TRAK1: variants seen among roughly 807,000 people sequenced by gnomAD.
The protein encoded by TRAK1 is trafficking kinesin-binding protein 1.
TRAK1 carries 33 observed loss-of-function variants against 92.1 expected under a neutral mutation model. That is an observed-to-expected ratio of 0.36 (90% CI 0.27 to 0.48). The LOEUF (loss-of-function observed/expected upper bound fraction) is 0.48. Among genes scored for constraint, TRAK1 ranks in the 20% least tolerant of loss-of-function variants. The pLI is 0.99. For missense variants in TRAK1, 1,123 were observed against 1,257.9 expected, an observed-to-expected ratio of 0.89 and a Z score of 1.62; for synonymous variants, 521 against 517.3, an observed-to-expected ratio of 1.01 and a Z score of -0.10.
rs557366525 is a variant in TRAK1 at position 42,202,709 on chromosome 3, C to T, written c.1701C>T (p.Arg567=). The T allele has an allele frequency of 6.2e-7, 1 of 1,614,026 alleles. No individual in the cohort carries two copies. Among genetic ancestry groups the T allele is most frequent in the Middle Eastern group, 1.7e-4 (1 of 6,060 alleles). Residue 567 remains arginine, a synonymous_variant, in exon 13 of 16, where the codon CGC becomes CGT. Coordinates refer to ENST00000327628, the MANE Select transcript of TRAK1 (RefSeq NM_001042646.3). This position sits in a 1 kb window ranked among gnomAD's most constrained non-coding sequence, Gnocchi z 6.1. ...TGFSGMSFSS[R]SYLPEKLQIV... is the part of the protein sequence containing the mutation. The stretch of plus-strand genomic sequence containing the variant: ...TCTCTGGCATGTCCTTCAGCAGCCG[C>T]TCCTACCTGCCTGAGAAGCTCCAGA...
chr3:42,206,337 A>G (rs1425826752), intron 13 of TRAK1, among the ~76,000 whole-genome samples: 1 of 152,178 alleles, frequency 6.6e-6, no homozygotes, highest in African/African-American at 2.4e-5. Flanking sequence ...TAACTGAAAT[A>G]GCACAGTCAG....
chr3:42,075,896 G>A (rs1704133103), intron 1 of TRAK1, among the ~76,000 whole-genome samples: 1 of 152,066 alleles, frequency 6.6e-6, no homozygotes, highest in Admixed American at 6.6e-5. Context: ...AGGCTGGAGT[G>A]CAGTGGCACG....
intron 2 of TRAK1, among the ~76,000 whole-genome samples, chr3:42,158,835 T>TGTAGTCCCAGCTACTC (rs1208366043): frequency 6.7e-6 from 1 of 148,780 alleles, no homozygotes; most frequent in Non-Finnish European, 1.5e-5. Flanking sequence ...GGCAGGTACC[T>TGTAGTCCCAGCTACTC]GTAGTCCCAG....
chr3:42,175,271 G>A (rs1311717312), intron 2 of TRAK1, among the ~76,000 whole-genome samples: 2 of 152,178 alleles, frequency 1.3e-5, no homozygotes, highest in African/African-American at 4.8e-5. Flanking sequence ...CTGCACGCCT[G>A]CAGACCATCA....
chr3:42,070,539 C>T (rs1703892451), intron 1 of TRAK1, among the ~76,000 whole-genome samples: 1 of 151,984 alleles, frequency 6.6e-6, no homozygotes, highest in Non-Finnish European at 1.5e-5. Flanking sequence ...GCAATACTCC[C>T]ATCTCAGCCT....
chr3:42,167,381 G>T (rs1379146992), intron 2 of TRAK1, among the ~76,000 whole-genome samples: 8 of 152,322 alleles, frequency 5.3e-5, no homozygotes, highest in Non-Finnish European at 1.0e-4. Flanking sequence ...GTAAGCATTT[G>T]TTGGGTTTGT....
chr3:42,049,231 T>G (rs1037351986), intron 1 of TRAK1, among the ~76,000 whole-genome samples: 1 of 152,216 alleles, frequency 6.6e-6, no homozygotes, highest in Non-Finnish European at 1.5e-5. Context: ...GATATGGAAT[T>G]CTAGGTTGAA....
At chr3:42,064,370 TAAAAA>T in intron 1 of TRAK1, among the ~76,000 whole-genome samples, 1 of 149,232 alleles carries the variant, frequency 6.7e-6, no homozygotes, top group African/African-American at 2.5e-5. Flanking sequence ...GGATACAAAT[TAAAAA>T]AAAAAACCTT....
intron 1 of TRAK1, among the ~76,000 whole-genome samples, chr3:42,024,454 A>C (rs2148884328): frequency 1.3e-5 from 2 of 152,300 alleles, no homozygotes; most frequent in Middle Eastern, 3.4e-3. Context: ...ATAGTCCTTA[A>C]AATGCTGTAA....
intron 1 of TRAK1, among the ~76,000 whole-genome samples, chr3:42,099,143 A>G (rs1706370638): frequency 6.6e-6 from 1 of 151,988 alleles, no homozygotes; most frequent in Non-Finnish European, 1.5e-5. Context: ...GAGGTCCCAG[A>G]CTTGAGAGCT....
chr3:42,021,467 G>A (rs1281591672), intron 1 of TRAK1, among the ~76,000 whole-genome samples: 1 of 152,152 alleles, frequency 6.6e-6, no homozygotes, highest in Non-Finnish European at 1.5e-5. Context: ...TGATGTGTTT[G>A]AAGCCATGTT....
intron 2 of TRAK1, among the ~76,000 whole-genome samples, chr3:42,169,628 G>A (rs967101770): frequency 2.0e-5 from 3 of 149,838 alleles, no homozygotes; most frequent in Non-Finnish European, 3.0e-5. Context: ...CTGAGATCGC[G>A]CCATTGCACT....
At chr3:42,215,059 T>C (rs890336544) in intron 14 of TRAK1, among the ~76,000 whole-genome samples, 16 of 152,232 alleles carry the variant, frequency 1.1e-4, no homozygotes, top group Non-Finnish European at 5.9e-5. Context: ...ATAGTACTTG[T>C]ATTAATGATG....
intron 3 of TRAK1, among the ~76,000 whole-genome samples, chr3:42,184,178 C>T (rs1388988521): frequency 6.6e-6 from 1 of 152,232 alleles, no homozygotes; most frequent in Non-Finnish European, 1.5e-5. Flanking sequence ...ATAAGGAATT[C>T]AATGCATTCC....
At chr3:42,127,795 A>G (rs1434995512) in intron 2 of TRAK1, among the ~76,000 whole-genome samples, 1 of 152,204 alleles carries the variant, frequency 6.6e-6, no homozygotes, top group Non-Finnish European at 1.5e-5. Flanking sequence ...ACAGTTGGGT[A>G]GGGCTGGTTT....
At chr3:42,021,077 C>A (rs544977603) in intron 1 of TRAK1, among the ~76,000 whole-genome samples, 1 of 152,142 alleles carries the variant, frequency 6.6e-6, no homozygotes, top group South Asian at 2.1e-4. Context: ...TCAAAACAAA[C>A]AAAAAACCAA....
intron 13 of TRAK1, chr3:42,204,008 A>G (rs1708031210): frequency 5.1e-6 from 5 of 985,670 alleles, no homozygotes; most frequent in South Asian, 4.7e-5. Flanking sequence ...CTCCAAAGGA[A>G]GAGGGTGGGC....
chr3:42,129,344 C>G (rs1252715269), intron 2 of TRAK1, among the ~76,000 whole-genome samples: 2 of 151,966 alleles, frequency 1.3e-5, no homozygotes, highest in Non-Finnish European at 2.9e-5. Context: ...TGATACGCTC[C>G]CCTACGTGAG....
chr3:42,212,174 C>T (rs539272120), intron 14 of TRAK1: 2 of 985,432 alleles, frequency 2.0e-6, no homozygotes, highest in African/African-American at 1.7e-5. Flanking sequence ...CATGGAGACA[C>T]AGGCAGACAG....
Sources: allele counts gnomAD v4.1 joint callset (sites outside exome capture counted in the v4.1 genomes callset), GRCh38; gene constraint gnomAD v4.1.1; non-coding constraint Gnocchi (gnomAD v3.1); transcripts MANE v1.5; gene names NCBI Gene and HGNC (gene_info 2026-07-23, HGNC 2026-07-21).